Variants in THBS1 observed in about 807,000 individuals in gnomAD.
The protein encoded by THBS1 is thrombospondin-1.
In THBS1, 29 loss-of-function variants were observed where a neutral mutation model predicts 126.1. The ratio of observed to expected loss-of-function variants is 0.23; its 90% CI spans 0.17 to 0.31. The LOEUF (loss-of-function observed/expected upper bound fraction) is 0.31, where lower values mean the gene tolerates loss of function less well. THBS1 is among the 10% of genes least tolerant of loss of function. THBS1 has a pLI of 1.00. For synonymous variants in THBS1, 496 were observed against 577.8 expected (o/e 0.86, Z 2.03); for missense variants, 1,198 against 1,545.2 (o/e 0.78, Z 3.77).
At chr15:39,588,472 G>A (rs1197514756) in intron 9 of THBS1, 54 bp from the exon 10 acceptor site, 1 of 1,516,260 alleles carries the variant, frequency 6.6e-7, no homozygotes, top group Non-Finnish European at 8.8e-7. Context: ...TCTATGACAA[G>A]GGAGGGATTT....
In THBS1 at chr15:39,588,648, G is replaced by A. The variant is rs556723130; in HGVS notation, c.1594G>A (p.Val532Ile). Residue 532 changes from valine to isoleucine, a missense_variant, in exon 10 of 22, where the codon GTT (valine) becomes ATT (isoleucine). This residue lies in a region of THBS1 where 663 missense variants were observed against 860.1 expected (regional missense o/e 0.77). Coordinates refer to ENST00000260356, the MANE Select transcript of THBS1 (RefSeq NM_003246.4). ...PTPQFGGKDC[V>I]GDVTENQICN... The stretch of plus-strand genomic sequence containing the variant: ...ACCCCAGTTTGGAGGCAAGGACTGC[G>A]TTGGTGATGTAACAGAAAACCAGAT... 5.0e-5 allele frequency: 81 copies of A among 1,607,142 alleles called. No homozygotes were observed. Among genetic ancestry groups the A allele is most frequent in the Admixed American group, 2.4e-4 (14 of 58,796 alleles).
rs1187190049 is a variant in THBS1 at position 39,595,582 on chromosome 15, C to T, written c.*213C>T. On this transcript the variant is annotated 3_prime_UTR_variant, in exon 22 of 22. Coordinates refer to ENST00000260356, the MANE Select transcript of THBS1 (RefSeq NM_003246.4). ...AGCATTCAGCCTCCAATGAATAAGA[C>T]ATCTTCCAAGCATATAAACAATTGC... is the stretch of plus-strand genomic sequence containing the variant. The T allele has an allele frequency of 7.9e-6, 5 of 633,026 alleles. No individual in the cohort carries two copies. The African/African-American group carries it at 9.1e-5, about 12-fold the overall frequency. 39.2% of individuals were successfully genotyped at this position (633,026 alleles called of 1,614,324 possible). A position where few individuals can be genotyped will look rare whatever the true frequency, so the allele number is the denominator to read the frequency against.
rs1216340173 is a variant in THBS1 at position 39,589,395 on chromosome 15, T to C, written c.1926+41T>C. ...CGAGTAAACCAGAGGACAGGAGAGCTGTCCTTGACCAAAATAACTGGGAGC... is the reference window on the plus strand; with the variant it reads ...CGAGTAAACCAGAGGACAGGAGAGCCGTCCTTGACCAAAATAACTGGGAGC... On this transcript the variant is annotated intron_variant, in intron 12 of 21. Coordinates refer to ENST00000260356, the MANE Select transcript of THBS1 (RefSeq NM_003246.4). This position sits in a 1 kb window ranked among gnomAD's most constrained non-coding sequence, Gnocchi z 4.7. The C allele has an allele frequency of 6.2e-7, 1 of 1,608,656 alleles. No homozygotes were observed. Among genetic ancestry groups the C allele is most frequent in the East Asian group, 2.2e-5 (1 of 44,778 alleles).
chr15:39,596,720 T>C lies in THBS1; in HGVS notation c.*1351T>C, dbSNP rs947199910. On this transcript the variant is annotated 3_prime_UTR_variant, in exon 22 of 22. Transcript: ENST00000260356. Reference sequence around the variant, plus strand: ...CTTTTCAAGTGGAATTAGTTGGTTATCCATTTGCAAATGTTTTAAATTGCA... The same window carrying C: ...CTTTTCAAGTGGAATTAGTTGGTTACCCATTTGCAAATGTTTTAAATTGCA... 8 of 152,360 alleles carry C rather than the reference T, an allele frequency of 5.3e-5. No homozygotes were observed. Among genetic ancestry groups the C allele is most frequent in the African/African-American group, 1.9e-4 (8 of 41,592 alleles). 9.4% of individuals were successfully genotyped at this position (152,360 alleles called of 1,614,324 possible).
rs777019106 is a variant in THBS1 at position 39,588,896 on chromosome 15, G to C, written c.1646-63G>C. The C allele has an allele frequency of 7.4e-6, 12 of 1,613,614 alleles. No individual in the cohort carries two copies. The East Asian group carries it at 2.7e-4, about 36-fold the overall frequency. On this transcript the variant is annotated intron_variant, in intron 10 of 21. Transcript: ENST00000260356. The stretch of plus-strand genomic sequence containing the variant: ...TATCTTACACTGTGTTAAGTGCCCA[G>C]CATGGCAGTATGGCAGCTTAGACCA...
chr15:39,592,865 A>T lies in THBS1; in HGVS notation c.2767+63A>T. On this transcript the variant is annotated intron_variant, in intron 17 of 21. Transcript: ENST00000260356. The surrounding 1 kb of genome is among the most constrained non-coding windows in gnomAD (Gnocchi z 4.3). The stretch of plus-strand genomic sequence containing the variant: ...TGGCACAGCTGTGTAGATTGAAGAA[A>T]TGAAACCAAGGCTCAAAGCATTTGA... 6.4e-7 allele frequency: 1 copy of T among 1,567,900 alleles called. No homozygotes were observed. Among genetic ancestry groups the T allele is most frequent in the Non-Finnish European group, 8.7e-7 (1 of 1,149,770 alleles).
At chr15:39,587,612 C>T (rs1890233981) in intron 8 of THBS1, 92 bp downstream of exon 8, 5 of 1,328,996 alleles carry the variant, frequency 3.8e-6, no homozygotes, top group East Asian at 2.5e-5. Flanking sequence ...ATTAAGAACA[C>T]GGGTTCTAGG....
chr15:39,583,859 C>CAA, intron 4 of THBS1, 129 bp from the exon 5 acceptor site: 1 of 1,203,020 alleles, frequency 8.3e-7, no homozygotes. Flanking sequence ...CACGTATACA[C>CAA]ACGTGCGCAT....
At chr15:39,590,647 T>C in intron 14 of THBS1, 24 bp downstream of exon 14, 1 of 1,598,734 alleles carries the variant, frequency 6.3e-7, no homozygotes, top group South Asian at 1.1e-5. Context: ...TCTATCCCTT[T>C]TTCATCTTTT....
rs758876690 is a variant in THBS1 at position 39,594,108 on chromosome 15, C to A, written c.3277C>A (p.Leu1093Met). 2 of 1,613,840 alleles carry A rather than the reference C, an allele frequency of 1.2e-6. No individual in the cohort carries two copies. Among genetic ancestry groups the A allele is most frequent in the Non-Finnish European group, 8.5e-7 (1 of 1,179,844 alleles). Residue 1093 changes from leucine (L) to methionine (M), a missense_variant, in exon 20 of 22, where the codon CTG (leucine) becomes ATG (methionine). By Grantham distance (15) the Leu-to-Met change is conservative. This residue lies in a region of THBS1 where 255 missense variants were observed against 373.9 expected (regional missense o/e 0.68). Transcript: ENST00000260356. This position sits in a 1 kb window ranked among gnomAD's most constrained non-coding sequence, Gnocchi z 4.4. Reference protein sequence around the residue: ...TGNTPGQVRTLWHDPRHIGWK... With the variant: ...TGNTPGQVRTMWHDPRHIGWK... ...TTTCCTTTTCCTTCAGGTGCGCACCCTGTGGCATGACCCTCGTCACATAGG... is the reference window on the plus strand; with the variant it reads ...TTTCCTTTTCCTTCAGGTGCGCACCATGTGGCATGACCCTCGTCACATAGG...
At position 39,595,564 on chromosome 15, in the gene THBS1, A is replaced by G. The variant is rs1890421185; in HGVS notation, c.*195A>G. On this transcript the variant is annotated 3_prime_UTR_variant, in exon 22 of 22. Transcript: ENST00000260356. ...GTTTTCAAAAACAGACTCAGCATTC[A>G]GCCTCCAATGAATAAGACATCTTCC... The G allele has an allele frequency of 3.1e-6, 2 of 650,054 alleles. No individual in the cohort carries two copies. The highest frequency in any genetic ancestry group is 5.4e-6 in the Non-Finnish European group (2 of 373,740). 40.3% of individuals were successfully genotyped at this position (650,054 alleles called of 1,614,324 possible).
At position 39,592,020 on chromosome 15, in the gene THBS1, T is replaced by C. The variant is rs1050953841; in HGVS notation, c.2532+397T>C. Among the ~76,000 whole-genome samples, 6 of 152,374 alleles carry C rather than the reference T, an allele frequency of 3.9e-5. No homozygotes were observed. The highest frequency in any genetic ancestry group is 6.5e-5 in the Admixed American group (1 of 15,304). On this transcript the variant is annotated intron_variant, in intron 16 of 21. Transcript: ENST00000260356. This position sits in a 1 kb window ranked among gnomAD's most constrained non-coding sequence, Gnocchi z 4.3. The stretch of plus-strand genomic sequence containing the variant: ...GCAAAATAACCATTTTCATGGCTAA[T>C]GATGTAATCTAGCTATAAGAAAATC...
At position 39,589,973 on chromosome 15, in the gene THBS1, C is replaced by A. The variant is rs146474243; in HGVS notation, c.2095C>A (p.Pro699Thr). ...CGEDTDLDGW[P>T]NENLVCVANA... ...GGAGGACACAGACCTGGATGGCTGG[C>A]CCAATGAGAACCTGGTGTGCGTGGC... Residue 699 changes from proline (P) to threonine (T), a missense_variant, in exon 13 of 22, where the codon CCC becomes ACC. Around this residue, in one of 4 missense-constraint regions of THBS1, gnomAD observed 663 missense variants for 860.1 expected, o/e 0.77. Transcript: ENST00000260356. This position sits in a 1 kb window ranked among gnomAD's most constrained non-coding sequence, Gnocchi z 4.7. 12 of 1,613,368 alleles carry A rather than the reference C, an allele frequency of 7.4e-6. No individual in the cohort carries two copies. The highest frequency in any genetic ancestry group is 1.0e-5 in the Non-Finnish European group (12 of 1,179,720).
At chr15:39,583,524 T>C (rs1291855049) in intron 3 of THBS1, 93 bp from the exon 4 acceptor site, 1 of 1,012,006 alleles carries the variant, frequency 9.9e-7, no homozygotes, top group Non-Finnish European at 1.5e-6. Context: ...AGAACATCTA[T>C]TGTATGCTTT....
chr15:39,581,203 C>A lies in THBS1; in HGVS notation c.-55C>A. On this transcript the variant is annotated 5_prime_UTR_variant, in exon 1 of 22. Coordinates refer to ENST00000260356, the MANE Select transcript of THBS1 (RefSeq NM_003246.4). ...CCCTCGCCGCCCTCGCCACCGCTCCCGGCCGCCGCGCTCCGGTACACACAG... is the reference window on the plus strand; with the variant it reads ...CCCTCGCCGCCCTCGCCACCGCTCCAGGCCGCCGCGCTCCGGTACACACAG... The A allele has an allele frequency of 6.5e-6, 1 of 155,024 alleles. No individual in the cohort carries two copies. Among genetic ancestry groups the A allele is most frequent in the South Asian group, 1.8e-4 (1 of 5,642 alleles). 9.6% of individuals were successfully genotyped at this position (155,024 alleles called of 1,614,324 possible). A position where few individuals can be genotyped will look rare whatever the true frequency, so the allele number is the denominator to read the frequency against.
At chr15:39,586,960 CT>C (rs1264230886) in intron 7 of THBS1, 1 of 160,302 alleles carries the variant, frequency 6.2e-6, no homozygotes, top group Non-Finnish European at 1.4e-5. Flanking sequence ...GCTTTTCATC[CT>C]GTATAACTGC....
rs1171315681 is a variant in THBS1 at position 39,593,744 on chromosome 15, A to G, written c.3267+76A>G. 2.5e-5 allele frequency: 39 copies of G among 1,558,532 alleles called. No individual in the cohort carries two copies. The highest frequency in any genetic ancestry group is 3.1e-5 in the Non-Finnish European group (36 of 1,153,304). On this transcript the variant is annotated intron_variant, in intron 19 of 21. Transcript: ENST00000260356. The surrounding 1 kb of genome is among the most constrained non-coding windows in gnomAD (Gnocchi z 5.9). ...GCACTGGGGATGCTGTGCTTTGACC[A>G]AGACTCTGACCAGGGAGTCTTAGAA...
At position 39,584,119 on chromosome 15, in the gene THBS1, A is replaced by C; in HGVS notation, c.835A>C (p.Ser279Arg). ...CGGCATCTCCTGTGATGAGCTGTCC[A>C]GCATGGTCCTGGAACTCAGGGGCCT... ...ICGISCDELS[S>R]MVLELRGLRT... The change falls in exon 5 of 22, where the codon AGC (serine) becomes CGC (arginine). Residue 279 changes from serine to arginine, a missense_variant. Transcript: ENST00000260356. 1 of 1,614,254 alleles carries C rather than the reference A, an allele frequency of 6.2e-7. No homozygotes were observed. The highest frequency in any genetic ancestry group is 2.2e-5 in the East Asian group (1 of 44,894).
Position 39,582,326 on chromosome 15 carries a change from C to T in THBS1, c.201C>T (p.Ile67=), listed in dbSNP as rs747664282. ...PAFRIEDANL[I]PPVPDDKFQD... is the part of the protein sequence containing the mutation. The stretch of plus-strand genomic sequence containing the variant: ...TCCGCATCGAGGATGCCAACCTGAT[C>T]CCCCCTGTGCCTGATGACAAGTTCC... Residue 67 remains isoleucine, a synonymous_variant, in exon 3 of 22, where the codon ATC becomes ATT. Coordinates refer to ENST00000260356, the MANE Select transcript of THBS1 (RefSeq NM_003246.4). 1.2e-6 allele frequency: 2 copies of T among 1,614,200 alleles called. No individual in the cohort carries two copies. Among genetic ancestry groups the T allele is most frequent in the East Asian group, 2.2e-5 (1 of 44,874 alleles).
Sources: gnomAD v4.1 joint callset for allele counts (sites outside exome capture counted in the v4.1 genomes callset) on GRCh38, gnomAD v4.1.1 for gene constraint, gnomAD v4.1.1 regional missense constraint, Gnocchi (gnomAD v3.1) non-coding constraint, MANE v1.5 for transcripts, NCBI Gene and HGNC (gene_info 2026-07-23, HGNC 2026-07-21) for gene names.